CNIH3: variants seen among roughly 807,000 people sequenced by gnomAD.
CNIH3 encodes cornichon family AMPA receptor auxiliary protein 3.
A neutral mutation model predicts 24.1 loss-of-function variants in CNIH3; 14 were observed. The ratio of observed to expected loss-of-function variants is 0.58; its 90% CI spans 0.38 to 0.91. CNIH3 has a LOEUF of 0.91. CNIH3 is among the 40% of genes least tolerant of loss of function. The probability of loss-of-function intolerance (pLI) is 0.00; values close to 1 mark genes in which losing one functional copy is unlikely to be tolerated. For synonymous variants in CNIH3, 68 were observed against 73.8 expected (o/e 0.92, Z 0.40); for missense variants, 178 against 196.8 (o/e 0.90, Z 0.57).
At chr1:224,572,841 A>G (rs1558172655) in intron 4 of CNIH3, among the ~76,000 whole-genome samples, 2 of 152,052 alleles carry the variant, frequency 1.3e-5, no homozygotes, top group Non-Finnish European at 2.9e-5. Context: ...TCCTTGGTTA[A>G]ATTTATTTCT....
intron 3 of CNIH3, among the ~76,000 whole-genome samples, chr1:224,553,294 A>G (rs1409555677): frequency 6.6e-6 from 1 of 151,700 alleles, no homozygotes; most frequent in Non-Finnish European, 1.5e-5. Context: ...CACAGGGTGT[A>G]CACCCCCTGT....
At chr1:224,486,380 T>C (rs1385498053) in intron 1 of CNIH3, among the ~76,000 whole-genome samples, 1 of 152,164 alleles carries the variant, frequency 6.6e-6, no homozygotes, top group Admixed American at 6.5e-5. Context: ...CCCAAAGTGC[T>C]GGGATTACAG....
intron 1 of CNIH3, among the ~76,000 whole-genome samples, chr1:224,630,301 GCAGAGGAGCTGAAGTCTTAC>G (rs1296405118): frequency 6.6e-6 from 1 of 152,158 alleles, no homozygotes; most frequent in Non-Finnish European, 1.5e-5. Flanking sequence ...TACCTGTGCT[GCAGAGGAGCTGAAGTCTTAC>G]ACTTCCATAT....
chr1:224,556,744 C>T (rs1680156433), intron 3 of CNIH3, among the ~76,000 whole-genome samples: 2 of 152,200 alleles, frequency 1.3e-5, no homozygotes, highest in Non-Finnish European at 2.9e-5. Context: ...CAGTAGTGCT[C>T]TCTCACCCAC....
At chr1:224,478,865 G>T (rs1227331763) in intron 1 of CNIH3, among the ~76,000 whole-genome samples, 1 of 152,182 alleles carries the variant, frequency 6.6e-6, no homozygotes, top group African/African-American at 2.4e-5. Context: ...CACATCTTAT[G>T]TGGATGGTGG....
At chr1:224,510,620 C>CA (rs199888462) in intron 1 of CNIH3, among the ~76,000 whole-genome samples, 6,886 of 136,660 alleles carry the variant, frequency 0.05, 328 homozygotes, top group East Asian at 0.17. Flanking sequence ...AAAAAAAAAA[C>CA]AAAAAAAAGA....
upstream of CNIH3, chr1:224,434,658 C>A: frequency 1.3e-6 from 1 of 777,914 alleles, no homozygotes; most frequent in Non-Finnish European, 1.6e-6. Flanking sequence ...GGGCGCGGGG[C>A]CCGCCGCTGG....
chr1:224,459,504 A>G (rs1051140739), intron 1 of CNIH3, among the ~76,000 whole-genome samples: 5 of 152,350 alleles, frequency 3.3e-5, no homozygotes, highest in African/African-American at 7.2e-5. Context: ...AACAACTTCT[A>G]TCTTGGGCGA....
chr1:224,621,158 A>G (rs1683259798), intron 1 of CNIH3, among the ~76,000 whole-genome samples: 1 of 152,234 alleles, frequency 6.6e-6, no homozygotes, highest in East Asian at 1.9e-4. Flanking sequence ...GAAAGATCTG[A>G]TGCACCATCT....
intron 1 of CNIH3, among the ~76,000 whole-genome samples, chr1:224,635,590 C>T (rs1203840925): frequency 6.6e-6 from 1 of 152,244 alleles, no homozygotes; most frequent in Non-Finnish European, 1.5e-5. Context: ...GACCTCACAG[C>T]ACAGCCGAGC....
intron 2 of CNIH3, among the ~76,000 whole-genome samples, chr1:224,526,138 C>A (rs1400118868): frequency 2.0e-5 from 3 of 152,198 alleles, no homozygotes; most frequent in African/African-American, 7.2e-5. Flanking sequence ...TTTTCTATTA[C>A]AAATGTATGA....
intron 3 of CNIH3, among the ~76,000 whole-genome samples, chr1:224,722,900 C>A (rs569414331): frequency 2.0e-5 from 3 of 152,268 alleles, no homozygotes; most frequent in Admixed American, 6.5e-5. Context: ...ATGGAAGAAG[C>A]CTTCTTCCTC....
chr1:224,577,933 T>C (rs1483785166), intron 4 of CNIH3, among the ~76,000 whole-genome samples: 1 of 151,876 alleles, frequency 6.6e-6, no homozygotes, highest in Non-Finnish European at 1.5e-5. Flanking sequence ...CTGGATGGAG[T>C]TGGAGACCAT....
At chr1:224,675,237 A>C (rs745876371) in intron 1 of CNIH3, among the ~76,000 whole-genome samples, 11 of 152,248 alleles carry the variant, frequency 7.2e-5, no homozygotes, top group Non-Finnish European at 1.5e-4. Flanking sequence ...AAATGGGCCA[A>C]TTCCTTGAAA....
At chr1:224,606,995 A>G (rs1326307301) in intron 3 of CNIH3, among the ~76,000 whole-genome samples, 4 of 152,218 alleles carry the variant, frequency 2.6e-5, no homozygotes, top group Non-Finnish European at 5.9e-5. Flanking sequence ...TTTAAAGAAA[A>G]AGGTGATTTA....
chr1:224,556,713 TG>T (rs767305791), intron 3 of CNIH3, among the ~76,000 whole-genome samples: 1 of 152,212 alleles, frequency 6.6e-6, no homozygotes, highest in Non-Finnish European at 1.5e-5. Flanking sequence ...GCCACTGATC[TG>T]ACAGGAGGCA....
intron 3 of CNIH3, among the ~76,000 whole-genome samples, chr1:224,563,390 A>G (rs1406572088): frequency 6.6e-6 from 1 of 152,106 alleles, no homozygotes; most frequent in East Asian, 1.9e-4. Context: ...AGAGCAATGT[A>G]GAGAAGGAAT....
intron 3 of CNIH3, among the ~76,000 whole-genome samples, chr1:224,597,484 C>T (rs540058966): frequency 1.1e-4 from 17 of 152,272 alleles, no homozygotes; most frequent in Non-Finnish European, 2.1e-4. Flanking sequence ...CTCTTTGGTC[C>T]AATCACATTT....
At chr1:224,602,890 C>T (rs577317923) in intron 3 of CNIH3, among the ~76,000 whole-genome samples, 4 of 152,138 alleles carry the variant, frequency 2.6e-5, no homozygotes, top group Admixed American at 1.3e-4. Context: ...ATCTTGGGCC[C>T]GTAAAGGTCT....
Sources: allele counts gnomAD v4.1 joint callset (sites outside exome capture counted in the v4.1 genomes callset), GRCh38; gene constraint gnomAD v4.1.1; transcripts MANE v1.5; gene names NCBI Gene and HGNC (gene_info 2026-07-23, HGNC 2026-07-21).